Variants in GRM8 observed in about 807,000 individuals in gnomAD.
GRM8 encodes glutamate metabotropic receptor 8, also known as metabotropic glutamate receptor 8.
Under a neutral mutation model 87.2 loss-of-function variants are expected in GRM8, and 47 were observed. The ratio of observed to expected loss-of-function variants is 0.54; its 90% confidence interval spans 0.43 to 0.69. GRM8 has a LOEUF of 0.69. Ranked by LOEUF, GRM8 falls within the 30% of genes least tolerant of loss-of-function variation. The pLI, the probability that GRM8 is intolerant of heterozygous loss-of-function variation, is 0.00. For synonymous variants in GRM8, 396 were observed against 404.5 expected (o/e 0.98, Z 0.25); for missense variants, 1,019 against 1,139.2 (o/e 0.89, Z 1.52).
chr7:127,133,614 G>A (rs1827802545), intron 2 of GRM8, among the ~76,000 whole-genome samples: 1 of 150,110 alleles, frequency 6.7e-6, no homozygotes, highest in African/African-American at 2.5e-5. Context: ...GCTGAGGCAG[G>A]AGAATGGCAC....
intron 3 of GRM8, among the ~76,000 whole-genome samples, chr7:127,102,381 A>G (rs562666879): frequency 6.6e-6 from 1 of 152,230 alleles, no homozygotes; most frequent in Non-Finnish European, 1.5e-5. Context: ...TATCTAAGAC[A>G]ATGGGGGAAA....
intron 6 of GRM8, among the ~76,000 whole-genome samples, chr7:126,832,577 G>A (rs2130444842): frequency 6.6e-6 from 1 of 152,124 alleles, no homozygotes; most frequent in East Asian, 1.9e-4. Flanking sequence ...GTTTAACCTA[G>A]ACTTACACAT....
intron 8 of GRM8, among the ~76,000 whole-genome samples, chr7:126,565,768 C>A (rs959771416): frequency 8.5e-5 from 13 of 152,066 alleles, no homozygotes; most frequent in South Asian, 2.1e-4. Flanking sequence ...AGGCATCTCC[C>A]TTCCTGATTT....
At chr7:126,840,687 A>G (rs1295425465) in intron 6 of GRM8, among the ~76,000 whole-genome samples, 1 of 152,206 alleles carries the variant, frequency 6.6e-6, no homozygotes, top group Middle Eastern at 3.2e-3. Flanking sequence ...ATATATTTAC[A>G]CCAAGAAAAT....
rs575631546 is a variant in GRM8 at position 126,737,816 on chromosome 7, T to C, written c.1357+32049A>G. Reference sequence around the variant, plus strand: ...ACCCTCAAAAAGCTGTAGTCTAGGGTGGAGGCAGACAAGTAACTTTGCAAT... The same window carrying C: ...ACCCTCAAAAAGCTGTAGTCTAGGGCGGAGGCAGACAAGTAACTTTGCAAT... On this transcript the variant is annotated intron_variant, in intron 7 of 10. Coordinates refer to ENST00000339582, the MANE Select transcript of GRM8 (RefSeq NM_000845.3). Among the ~76,000 whole-genome samples the C allele has an allele frequency of 2.0e-5, 3 of 152,110 alleles. No individual in the cohort carries two copies. In the East Asian group the frequency reaches 5.8e-4, roughly 30 times the overall value.
chr7:126,570,373 A>G (rs1448328607), intron 8 of GRM8, among the ~76,000 whole-genome samples: 1 of 152,174 alleles, frequency 6.6e-6, no homozygotes, highest in Non-Finnish European at 1.5e-5. Context: ...TCTGTCAGGT[A>G]GGATACTTCT....
chr7:126,574,528 T>C (rs1222734442), intron 8 of GRM8, among the ~76,000 whole-genome samples: 1 of 152,206 alleles, frequency 6.6e-6, no homozygotes, highest in Non-Finnish European at 1.5e-5. Flanking sequence ...TTAGGGATTT[T>C]CCCACCTATT....
At chr7:126,515,551 C>T (rs1812044805) in intron 9 of GRM8, among the ~76,000 whole-genome samples, 1 of 152,088 alleles carries the variant, frequency 6.6e-6, no homozygotes, top group Non-Finnish European at 1.5e-5. Flanking sequence ...CAAAACTTGG[C>T]TCCAAATGGG....
chr7:126,488,354 G>A (rs1215356053), intron 9 of GRM8, among the ~76,000 whole-genome samples: 1 of 151,920 alleles, frequency 6.6e-6, no homozygotes, highest in Non-Finnish European at 1.5e-5. Flanking sequence ...GTATTATGAT[G>A]AAAATAGGGT....
intron 2 of GRM8, among the ~76,000 whole-genome samples, chr7:127,157,175 G>A (rs1413902303): frequency 1.3e-5 from 2 of 149,630 alleles, no homozygotes; most frequent in African/African-American, 4.9e-5. Context: ...GGGAGGGAAG[G>A]AGGGGAAAGA....
chr7:127,064,266 G>A (rs549652414), intron 3 of GRM8, among the ~76,000 whole-genome samples: 1 of 152,136 alleles, frequency 6.6e-6, no homozygotes, highest in Non-Finnish European at 1.5e-5. Context: ...CTATGTCTCT[G>A]TGGGTCTCTA....
intron 3 of GRM8, among the ~76,000 whole-genome samples, chr7:126,939,245 C>T (rs1371738929): frequency 6.6e-6 from 1 of 152,124 alleles, no homozygotes; most frequent in Non-Finnish European, 1.5e-5. Context: ...GATACCTTAG[C>T]ATGAAAAGCA....
intron 6 of GRM8, among the ~76,000 whole-genome samples, chr7:126,867,839 G>C (rs961412242): frequency 6.6e-6 from 1 of 152,092 alleles, no homozygotes; most frequent in East Asian, 1.9e-4. Flanking sequence ...GGTCTTAAGT[G>C]GGATTCAAGC....
chr7:126,735,630 G>T (rs1035532058), intron 7 of GRM8, among the ~76,000 whole-genome samples: 11 of 151,998 alleles, frequency 7.2e-5, no homozygotes, highest in Admixed American at 2.0e-4. Flanking sequence ...ACGCCATGTT[G>T]TTACCGAGAT....
intron 7 of GRM8, among the ~76,000 whole-genome samples, chr7:126,740,148 A>C (rs1303342432): frequency 6.6e-6 from 1 of 152,108 alleles, no homozygotes; most frequent in African/African-American, 2.4e-5. Flanking sequence ...TTTCACATAA[A>C]TAAATGCCAG....
chr7:126,734,157 G>C (rs918166444), intron 7 of GRM8, among the ~76,000 whole-genome samples: 2 of 151,840 alleles, frequency 1.3e-5, no homozygotes, highest in Admixed American at 1.3e-4. Flanking sequence ...ATATACTACT[G>C]AGAGATAATA....
intron 2 of GRM8, among the ~76,000 whole-genome samples, chr7:127,187,476 A>G (rs1333627018): frequency 1.3e-5 from 2 of 152,216 alleles, no homozygotes; most frequent in Non-Finnish European, 1.5e-5. Flanking sequence ...GTGAGTCTCC[A>G]ATCCCTGAAG....
At chr7:126,491,168 C>CA (rs1166300843) in intron 9 of GRM8, among the ~76,000 whole-genome samples, 1 of 152,010 alleles carries the variant, frequency 6.6e-6, no homozygotes, top group Non-Finnish European at 1.5e-5. Flanking sequence ...CTTGAAATTT[C>CA]AAAAATAAGC....
chr7:127,093,814 T>C (rs1045396108), intron 3 of GRM8, among the ~76,000 whole-genome samples: 6 of 152,108 alleles, frequency 3.9e-5, no homozygotes, highest in Non-Finnish European at 7.4e-5. Context: ...TTTGGTCAGG[T>C]AAGAGTGAAA....
Sources: allele counts gnomAD v4.1 joint callset (sites outside exome capture counted in the v4.1 genomes callset), GRCh38; gene constraint gnomAD v4.1.1; transcripts MANE v1.5; gene names NCBI Gene and HGNC (gene_info 2026-07-23, HGNC 2026-07-21).